GLP2R: variants seen among roughly 807,000 people sequenced by gnomAD.
GLP2R encodes the protein glucagon-like peptide 2 receptor.
A neutral mutation model predicts 68.2 loss-of-function variants in GLP2R; 59 were observed. That is an observed-to-expected ratio of 0.87 (90% CI 0.70 to 1.07). GLP2R has a LOEUF of 1.07. Ranked by LOEUF, GLP2R falls within the 50% of genes least tolerant of loss-of-function variation. GLP2R has a pLI of 0.00. For synonymous variants in GLP2R, 270 were observed against 265.4 expected (o/e 1.02, Z -0.17); for missense variants, 548 against 677.4 (o/e 0.81, Z 2.12).
At chr17:9,867,355 G>A (rs1287551075) in intron 9 of GLP2R, among the ~76,000 whole-genome samples, 2 of 152,218 alleles carry the variant, frequency 1.3e-5, no homozygotes, top group Non-Finnish European at 2.9e-5. Flanking sequence ...CAACATGCTG[G>A]AAATCCAGAT....
Position 9,826,328 on chromosome 17 carries a change from A to G in GLP2R, c.189+76A>G, listed in dbSNP as rs2047665. 5,430 of 946,330 alleles carry G rather than the reference A, an allele frequency of 5.7e-3. 209 individuals are homozygous for G. In the African/African-American group the frequency reaches 0.15, roughly 26 times the overall value. 58.6% of individuals were successfully genotyped at this position (946,330 alleles called of 1,614,324 possible). A position where few individuals can be genotyped will look rare whatever the true frequency, so the allele number is the denominator to read the frequency against. On this transcript the variant is annotated intron_variant, in intron 1 of 12. Coordinates refer to ENST00000262441, the MANE Select transcript of GLP2R (RefSeq NM_004246.3). ...TTTTTAAAGAAGCAATTTAGGCCTCATGTAAGCAATTTGGAAAAGAGAAAA... is the reference window on the plus strand; with the variant it reads ...TTTTTAAAGAAGCAATTTAGGCCTCGTGTAAGCAATTTGGAAAAGAGAAAA...
At chr17:9,845,725 G>T (rs1180681734) in intron 4 of GLP2R, among the ~76,000 whole-genome samples, 1 of 145,792 alleles carries the variant, frequency 6.9e-6, no homozygotes, top group Non-Finnish European at 1.5e-5. Context: ...TTGGCTATTT[G>T]GTTGGATTTA....
chr17:9,848,030 C>T lies in GLP2R; in HGVS notation c.504+5414C>T, dbSNP rs117434865. On this transcript the variant is annotated intron_variant, in intron 4 of 12. Coordinates refer to ENST00000262441, the MANE Select transcript of GLP2R (RefSeq NM_004246.3). ...GAACCTTCAACTGGATACTCCACAT[C>T]CTCAGGGAATTCTGTCTAAACCTCT... Among the ~76,000 whole-genome samples, 651 of 152,332 alleles carry T rather than the reference C, an allele frequency of 4.3e-3. 4 individuals are homozygous for T. Among genetic ancestry groups the T allele is most frequent in the Middle Eastern group, 0.024 (7 of 294 alleles).
chr17:9,888,520 G>T (rs895127724), intron 12 of GLP2R, among the ~76,000 whole-genome samples: 1 of 152,150 alleles, frequency 6.6e-6, no homozygotes, highest in African/African-American at 2.4e-5. Flanking sequence ...AGGCTGGAAT[G>T]CAGTGGCATG....
chr17:9,836,279 AG>A, intron 2 of GLP2R, 91 bp from the exon 3 acceptor site: 2 of 821,988 alleles, frequency 2.4e-6, no homozygotes, highest in Non-Finnish European at 4.2e-6. Context: ...TTCCAGTGCC[AG>A]GAAGGTGGGC....
chr17:9,857,042 C>T (rs1049531094), intron 5 of GLP2R, among the ~76,000 whole-genome samples: 1 of 152,146 alleles, frequency 6.6e-6, no homozygotes. Flanking sequence ...CTGCCTCAGC[C>T]TCCCAAGTAG....
intron 6 of GLP2R, among the ~76,000 whole-genome samples, chr17:9,858,907 T>G (rs2066958219): frequency 6.6e-6 from 1 of 152,226 alleles, no homozygotes; most frequent in Non-Finnish European, 1.5e-5. Context: ...TTATTGGACT[T>G]TTCAAAGAAT....
chr17:9,868,139 A>T (rs1521463), intron 9 of GLP2R, among the ~76,000 whole-genome samples: 37,789 of 152,188 alleles, frequency 0.25, 7,268 homozygotes, highest in African/African-American at 0.52. Context: ...AATGAATGAA[A>T]GGAGAAAGGG....
At chr17:9,848,100 T>C (rs1330900167) in intron 4 of GLP2R, among the ~76,000 whole-genome samples, 1 of 152,252 alleles carries the variant, frequency 6.6e-6, no homozygotes, top group African/African-American at 2.4e-5. Flanking sequence ...GTGATCCTTA[T>C]ACAGTTTTAC....
intron 7 of GLP2R, among the ~76,000 whole-genome samples, chr17:9,860,568 C>T (rs879808279): frequency 1.3e-4 from 20 of 152,190 alleles, no homozygotes; most frequent in Non-Finnish European, 1.5e-4. Context: ...CAAGCTCTCT[C>T]GTCTCTTTTT....
rs373031437 is a variant in GLP2R, at chr17:9,854,630, C to T, written c.611+29C>T. On this transcript the variant is annotated intron_variant, in intron 5 of 12. Coordinates refer to ENST00000262441, the MANE Select transcript of GLP2R (RefSeq NM_004246.3). ...AGTAGAACTTCTGCAGGCATGTGTT[C>T]GGGCAGGTATAGTAGCCCTCCTTCA... 127 of 1,301,824 alleles carry T rather than the reference C, an allele frequency of 9.8e-5. 2 individuals carry two copies. Among genetic ancestry groups the T allele is most frequent in the South Asian group, 2.4e-4 (20 of 84,726 alleles). The allele number at this position is 1,301,824 out of a possible 1,614,324, so 80.6% of individuals were successfully genotyped here. A position where few individuals can be genotyped will look rare whatever the true frequency, so the allele number is the denominator to read the frequency against.
At chr17:9,833,655 G>A in intron 1 of GLP2R, 152 bp from the exon 2 acceptor site, 1 of 596,024 alleles carries the variant, frequency 1.7e-6, no homozygotes, top group Non-Finnish European at 3.0e-6. Flanking sequence ...GTACTCTTAA[G>A]ATAGAACATA....
At chr17:9,872,807 T>A (rs1389820584) in intron 10 of GLP2R, among the ~76,000 whole-genome samples, 1 of 152,186 alleles carries the variant, frequency 6.6e-6, no homozygotes, top group Non-Finnish European at 1.5e-5. Flanking sequence ...CTCCTGCTTA[T>A]TATGAGGATT....
At chr17:9,838,360 C>T (rs137924252) in intron 3 of GLP2R, among the ~76,000 whole-genome samples, 116 of 152,306 alleles carry the variant, frequency 7.6e-4, no homozygotes, top group African/African-American at 1.7e-3. Context: ...TCACAGGGTG[C>T]GTCGCACAGC....
rs1361046639 is a variant in GLP2R, at chr17:9,891,075, T to A, written c.*1370T>A. On this transcript the variant is annotated 3_prime_UTR_variant, in exon 13 of 13. Transcript: ENST00000262441. ...TGCTATGGGACTAAATACCACCTTG[T>A]CTTCGGGGGAGTCAGTTTGATACTC... 1 of 152,208 alleles carries A rather than the reference T, an allele frequency of 6.6e-6. No homozygotes were observed. Among genetic ancestry groups the A allele is most frequent in the Non-Finnish European group, 1.5e-5 (1 of 68,040 alleles). 9.4% of individuals were successfully genotyped at this position (152,208 alleles called of 1,614,324 possible).
intron 11 of GLP2R, among the ~76,000 whole-genome samples, chr17:9,882,991 CAAA>C (rs3073990): frequency 0.063 from 7,932 of 126,090 alleles, 704 homozygotes; most frequent in African/African-American, 0.21. Flanking sequence ...ATACTCAGGA[CAAA>C]AAAAAAAAAA....
chr17:9,885,660 T>A (rs1306955725), intron 11 of GLP2R, among the ~76,000 whole-genome samples: 5 of 152,000 alleles, frequency 3.3e-5, no homozygotes, highest in Non-Finnish European at 7.4e-5. Flanking sequence ...TCCTCTAAGA[T>A]GGAGGAAGTA....
chr17:9,887,844 C>A, intron 11 of GLP2R, 88 bp from the exon 12 acceptor site: 1 of 919,380 alleles, frequency 1.1e-6, no homozygotes, highest in Non-Finnish European at 1.8e-6. Context: ...CTCCTTACGA[C>A]CTGTGCAGGG....
In GLP2R at chr17:9,880,444, C is replaced by A; in HGVS notation, c.1212C>A (p.Ile404=). Residue 404 remains isoleucine (I), a synonymous_variant, in exon 11 of 13, where the codon ATC becomes ATA. Coordinates refer to ENST00000262441, the MANE Select transcript of GLP2R (RefSeq NM_004246.3). ...TTCATGAGATCCTCTTCTCTTTCAT[C>A]ACTGATGATCAAGTTGAAGGATTTG... ...LGVHEILFSF[I]TDDQVEGFAK... 1 of 1,597,476 alleles carries A rather than the reference C, an allele frequency of 6.3e-7. No homozygotes were observed. The highest frequency in any genetic ancestry group is 8.6e-7 in the Non-Finnish European group (1 of 1,166,574).
Sources: allele counts gnomAD v4.1 joint callset (sites outside exome capture counted in the v4.1 genomes callset), GRCh38; gene constraint gnomAD v4.1.1; transcripts MANE v1.5; gene names NCBI Gene and HGNC (gene_info 2026-07-23, HGNC 2026-07-21).